The following CAND2 variants were observed in gnomAD, a reference collection of about 807,000 sequenced individuals.
The protein encoded by CAND2 is cullin associated and neddylation dissociated 2 (putative).
In CAND2, 62 loss-of-function variants were observed where a neutral mutation model predicts 98.9. That is an observed-to-expected ratio of 0.63 (90% CI 0.51 to 0.77). The LOEUF (loss-of-function observed/expected upper bound fraction) is 0.77, where lower values mean the gene tolerates loss of function less well. Ranked by LOEUF, CAND2 falls within the 30% of genes least tolerant of loss-of-function variation. The pLI is 0.00. For synonymous variants in CAND2, 770 were observed against 731.9 expected, an observed-to-expected ratio of 1.05 and a Z score of -0.84; for missense variants, 1,501 against 1,655.2, an observed-to-expected ratio of 0.91 and a Z score of 1.62.
intron 12 of CAND2, 96 bp downstream of exon 12, chr3:12,825,735 CG>C: frequency 3.0e-6 from 4 of 1,331,848 alleles, no homozygotes; most frequent in Non-Finnish European, 4.1e-6. Flanking sequence ...GAGCAGGTGC[CG>C]GGGCCACATG....
At position 12,817,646 on chromosome 3, in the gene CAND2, A is replaced by G. The variant is rs1467065752; in HGVS notation, c.2714A>G (p.Glu905Gly). The change falls in exon 10 of 15, where the codon GAG becomes GGG. Residue 905 changes from glutamate (E) to glycine (G), a missense_variant. Transcript: ENST00000456430. ...DFLPFLLEQIEAEPRRQYLLL... is the reference protein window; with the variant it reads ...DFLPFLLEQIGAEPRRQYLLL... ...CTGCCCTTCCTGCTGGAGCAGATCG[A>G]GGCTGAGCCCCGACGACAGTACCTG... is the stretch of plus-strand genomic sequence containing the variant. 1 of 1,613,108 alleles carries G rather than the reference A, an allele frequency of 6.2e-7. No homozygotes were observed. Among genetic ancestry groups the G allele is most frequent in the Non-Finnish European group, 8.5e-7 (1 of 1,179,786 alleles).
At chr3:12,812,923 T>G in intron 5 of CAND2, 67 bp from the exon 6 acceptor site, 1 of 943,360 alleles carries the variant, frequency 1.1e-6, no homozygotes, top group Non-Finnish European at 1.7e-6. Context: ...ACAGTCTGAG[T>G]GCTGTGGGCT....
chr3:12,810,020 CGGAGTGCGAT>C, intron 4 of CAND2, 29 bp from the exon 5 acceptor site: 1 of 1,385,806 alleles, frequency 7.2e-7, no homozygotes, highest in Admixed American at 3.2e-5. Flanking sequence ...AGGTTGCCCG[CGGAGTGCGAT>C]CGGCCTGATG....
At chr3:12,830,398 G>A (rs963660489) in intron 13 of CAND2, among the ~76,000 whole-genome samples, 7 of 152,208 alleles carry the variant, frequency 4.6e-5, no homozygotes, top group Non-Finnish European at 7.3e-5. Context: ...TCCATCATCT[G>A]GGTGTGCCTG....
chr3:12,813,863 G>T (rs540713210), intron 7 of CAND2, among the ~76,000 whole-genome samples: 7 of 152,232 alleles, frequency 4.6e-5, no homozygotes, highest in Non-Finnish European at 1.0e-4. Context: ...TGTCTCAATG[G>T]GGGTGGACTT....
chr3:12,823,491 G>A (rs1559557288), intron 11 of CAND2, among the ~76,000 whole-genome samples: 1 of 152,120 alleles, frequency 6.6e-6, no homozygotes, highest in Non-Finnish European at 1.5e-5. Context: ...CACTTTGGGA[G>A]GCCGAGGCGG....
At chr3:12,800,218 C>G (rs74372727) in intron 1 of CAND2, among the ~76,000 whole-genome samples, 2,213 of 152,348 alleles carry the variant, frequency 0.015, 25 homozygotes, top group Non-Finnish European at 0.022. Context: ...CTCCTTCTCT[C>G]TCCTAGCAAC....
At chr3:12,818,658 A>G (rs985583412) in intron 10 of CAND2, among the ~76,000 whole-genome samples, 8 of 152,248 alleles carry the variant, frequency 5.3e-5, no homozygotes, top group Admixed American at 4.6e-4. Flanking sequence ...TTACAGAACC[A>G]GTGGATGCTC....
At chr3:12,833,705 G>A (rs2062074147) in intron 14 of CAND2, 50 bp from the exon 15 acceptor site, 1 of 1,455,488 alleles carries the variant, frequency 6.9e-7, no homozygotes, top group African/African-American at 1.4e-5. Context: ...AGGCAGTGGT[G>A]TGGGCCAGGC....
intron 11 of CAND2, among the ~76,000 whole-genome samples, chr3:12,820,649 C>G (rs979701986): frequency 2.0e-5 from 3 of 152,192 alleles, no homozygotes; most frequent in Admixed American, 6.5e-5. Context: ...GTCTGAGGGG[C>G]CTTCTGGCCT....
chr3:12,798,840 G>A (rs531616897), intron 1 of CAND2, among the ~76,000 whole-genome samples: 5 of 152,304 alleles, frequency 3.3e-5, no homozygotes, highest in Non-Finnish European at 7.3e-5. Context: ...CCAGGCGTCC[G>A]TGTGGCCAAG....
Position 12,833,862 on chromosome 3 carries a change from C to A in CAND2, c.3591C>A (p.Ser1197Arg), listed in dbSNP as rs1032055362. ...TGACCATCCCCGAGGTGGGGAAAAG[C>A]CCCATCATGGCCGACTTCTCTTCCC... ...ALLTIPEVGKSPIMADFSSQI... is the reference protein window; with the variant it reads ...ALLTIPEVGKRPIMADFSSQI... Residue 1197 changes from serine to arginine, a missense_variant, in exon 15 of 15, where the codon AGC (serine) becomes AGA (arginine). Physicochemically the swap from Ser to Arg is moderately radical, Grantham distance 110 (BLOSUM62 -1). Around this residue, in one of 3 missense-constraint regions of CAND2, gnomAD observed 1,427 missense variants for 1,545.3 expected, o/e 0.92. Coordinates refer to ENST00000456430, the MANE Select transcript of CAND2 (RefSeq NM_001162499.2). The A allele has an allele frequency of 1.2e-6, 2 of 1,614,106 alleles. No homozygotes were observed. Among genetic ancestry groups the A allele is most frequent in the African/African-American group, 2.7e-5 (2 of 74,932 alleles).
intron 1 of CAND2, among the ~76,000 whole-genome samples, chr3:12,801,454 G>C (rs2061765834): frequency 6.6e-6 from 1 of 152,218 alleles, no homozygotes; most frequent in Admixed American, 6.5e-5. Flanking sequence ...TCAGACCTCT[G>C]CTCCTACCCT....
intron 1 of CAND2, among the ~76,000 whole-genome samples, chr3:12,802,988 C>CGT (rs1553636841): frequency 1.5e-4 from 19 of 127,374 alleles, no homozygotes; most frequent in African/African-American, 4.5e-4. Flanking sequence ...CCATTAAAAT[C>CGT]TTTTTTTTTT....
intron 12 of CAND2, among the ~76,000 whole-genome samples, chr3:12,826,887 G>A (rs550251742): frequency 2.6e-4 from 38 of 148,690 alleles, no homozygotes; most frequent in African/African-American, 9.5e-4. Context: ...CTGGAGTGCA[G>A]TGGCGCGATC....
Position 12,817,176 on chromosome 3 carries a change from G to T in CAND2, c.2244G>T (p.Leu748=). 6.2e-7 allele frequency: 1 copy of T among 1,613,142 alleles called. No homozygotes were observed. The highest frequency in any genetic ancestry group is 8.5e-7 in the Non-Finnish European group (1 of 1,179,998). The change falls in exon 10 of 15, where the codon CTG becomes CTT. Residue 748 remains leucine, a synonymous_variant. Coordinates refer to ENST00000456430, the MANE Select transcript of CAND2 (RefSeq NM_001162499.2). ...TGCTGCGGCTGCTGCGTTCGCCCCT[G>T]TTGCCAGCCGGGGTTCTGGCAGCTG... ...SELLRLLRSP[L]LPAGVLAAAE...
At chr3:12,820,498 G>C (rs1381911315) in intron 11 of CAND2, among the ~76,000 whole-genome samples, 1 of 152,252 alleles carries the variant, frequency 6.6e-6, no homozygotes, top group Non-Finnish European at 1.5e-5. Flanking sequence ...GGGCAACTGA[G>C]GGAGAAGATG....
At position 12,810,271 on chromosome 3, in the gene CAND2, G is replaced by C; in HGVS notation, c.704G>C (p.Arg235Pro). The change falls in exon 5 of 15, where the codon CGC (arginine) becomes CCC (proline). Residue 235 changes from arginine (R) to proline (P), a missense_variant. This residue lies in a region of CAND2 where 1,427 missense variants were observed against 1,545.3 expected (regional missense o/e 0.92). Coordinates refer to ENST00000456430, the MANE Select transcript of CAND2 (RefSeq NM_001162499.2). ...PRVPTSPTAI[R>P]TLIQCLGSVG... is the part of the protein sequence containing the mutation. Reference sequence around the variant, plus strand: ...GTGCCCACCAGCCCGACTGCCATCCGCACCCTGATCCAATGTTTGGGCAGC... The same window carrying C: ...GTGCCCACCAGCCCGACTGCCATCCCCACCCTGATCCAATGTTTGGGCAGC... 6.6e-7 allele frequency: 1 copy of C among 1,507,942 alleles called. No homozygotes were observed. The highest frequency in any genetic ancestry group is 8.8e-7 in the Non-Finnish European group (1 of 1,130,126). The allele number at this position is 1,507,942 out of a possible 1,614,324, so 93.4% of individuals were successfully genotyped here.
intron 11 of CAND2, among the ~76,000 whole-genome samples, chr3:12,823,585 C>T (rs1256735906): frequency 2.6e-5 from 4 of 152,222 alleles, no homozygotes; most frequent in South Asian, 4.1e-4. Flanking sequence ...AAAAATTAGC[C>T]GGGCATGCTG....
Sources: allele counts gnomAD v4.1 joint callset (sites outside exome capture counted in the v4.1 genomes callset), GRCh38; gene constraint gnomAD v4.1.1; regional missense constraint gnomAD v4.1.1; transcripts MANE v1.5; gene names NCBI Gene and HGNC (gene_info 2026-07-23, HGNC 2026-07-21).